The following NLRP1 variants were observed in gnomAD, a reference collection of about 807,000 sequenced individuals.
NLRP1 encodes NLR family pyrin domain containing 1.
Under a neutral mutation model 136.7 loss-of-function variants are expected in NLRP1, and 94 were observed. The observed-to-expected ratio is 0.69, with a 90% CI of 0.58 to 0.82. The LOEUF is 0.82. Among genes scored for constraint, NLRP1 ranks in the 40% least tolerant of loss-of-function variants. The pLI, the probability that NLRP1 is intolerant of heterozygous loss-of-function variation, is 0.00. For synonymous variants in NLRP1, 690 were observed against 725.1 expected (o/e 0.95, Z 0.78); for missense variants, 1,575 against 1,802.7 (o/e 0.87, Z 2.29).
chr17:5,518,549 T>A (rs1908439304), intron 14 of NLRP1: 1 of 151,392 alleles, frequency 6.6e-6, no homozygotes, highest in Admixed American at 6.7e-5. Flanking sequence ...CTTTTGTTTT[T>A]TTCTCTTTTT....
Position 5,581,972 on chromosome 17 carries a change from G to A in NLRP1, c.539C>T (p.Thr180Ile), listed in dbSNP as rs756406438. 1.9e-5 allele frequency: 30 copies of A among 1,613,870 alleles called. No individual in the cohort carries two copies. Among genetic ancestry groups the A allele is most frequent in the Non-Finnish European group, 2.5e-5 (29 of 1,179,884 alleles). ...SQESPNAPTS[T>I]AVLGSWGSPP... ...GGATCCCCAGCTCCCCAGCACTGCT[G>A]TGGATGTGGGGGCGTTGGGTGACTC... Residue 180 changes from threonine (T) to isoleucine (I), a missense_variant, in exon 3 of 17, where the codon ACA becomes ATA. By Grantham distance (89) the Thr-to-Ile change is moderately conservative. Coordinates refer to ENST00000572272, the MANE Select transcript of NLRP1 (RefSeq NM_033004.4).
chr17:5,582,004 T>TG lies in NLRP1; in HGVS notation c.506dup (p.Ser170LysfsTer41). ...TGGGGGCGTTGGGTGACTCCTGGCT[T>TG]GGAGACTCATGGTCTGGGGAGCTTG... On this transcript the variant is annotated frameshift_variant, in exon 3 of 17. Coordinates refer to ENST00000572272, the MANE Select transcript of NLRP1 (RefSeq NM_033004.4). LOFTEE classifies it high-confidence loss of function. 6.2e-7 allele frequency: 1 copy of TG among 1,613,842 alleles called. No individual in the cohort carries two copies. Among genetic ancestry groups the TG allele is most frequent in the Non-Finnish European group, 8.5e-7 (1 of 1,179,866 alleles).
intron 8 of NLRP1, among the ~76,000 whole-genome samples, chr17:5,535,285 G>A (rs1910900190): frequency 6.6e-6 from 1 of 152,080 alleles, no homozygotes; most frequent in Admixed American, 6.5e-5. Context: ...GGTCTGGAGT[G>A]GGGCCTGAGA....
rs1403003470 is a variant in NLRP1 at position 5,539,489 on chromosome 17, GT to G, written c.2795del (p.Asn932ThrfsTer32). 2 of 1,614,088 alleles carry G rather than the reference GT, an allele frequency of 1.2e-6. No homozygotes were observed. The highest frequency in any genetic ancestry group is 1.7e-6 in the Non-Finnish European group (2 of 1,180,042). On this transcript the variant is annotated frameshift_variant, in exon 7 of 17. Coordinates refer to ENST00000572272, the MANE Select transcript of NLRP1 (RefSeq NM_033004.4). LOFTEE classifies it high-confidence loss of function. ...PSLKELDLQQ[N>X]NLDDVGVRLL... is the part of the protein sequence containing the mutation. The stretch of plus-strand genomic sequence containing the variant: ...GTCGCACGCCAACGTCATCCAGGTT[GT>G]TCTGCTGCAGGTCTAGCTCCTTCAG...
intron 3 of NLRP1, among the ~76,000 whole-genome samples, chr17:5,561,831 T>C (rs2151806300): frequency 6.6e-6 from 1 of 152,336 alleles, no homozygotes; most frequent in East Asian, 1.9e-4. Context: ...GGGGTGACTC[T>C]GCCCATCCCT....
chr17:5,517,924 T>G, intron 14 of NLRP1, 37 bp from the exon 15 acceptor site: 1 of 1,610,812 alleles, frequency 6.2e-7, no homozygotes, highest in Non-Finnish European at 8.5e-7. Context: ...ACCCTGTTCA[T>G]CTTGCATGGA....
At chr17:5,538,374 C>T (rs1911380194) in intron 7 of NLRP1, among the ~76,000 whole-genome samples, 1 of 152,098 alleles carries the variant, frequency 6.6e-6, no homozygotes, top group Admixed American at 6.5e-5. Context: ...GGCTCAAGTG[C>T]CTCTTTGTTC....
chr17:5,510,011 C>T (rs1045297843), downstream of NLRP1, among the ~76,000 whole-genome samples: 1 of 152,142 alleles, frequency 6.6e-6, no homozygotes, highest in African/African-American at 2.4e-5. Flanking sequence ...ACCGTCACAT[C>T]CATTCTGAGG....
chr17:5,523,654 G>C (rs1909179720), intron 12 of NLRP1, among the ~76,000 whole-genome samples: 1 of 152,186 alleles, frequency 6.6e-6, no homozygotes, highest in African/African-American at 2.4e-5. Context: ...TAATGGGAGA[G>C]ACACTGGCCT....
intron 5 of NLRP1, among the ~76,000 whole-genome samples, chr17:5,546,270 C>T (rs937088524): frequency 6.6e-5 from 10 of 152,202 alleles, no homozygotes; most frequent in Non-Finnish European, 1.3e-4. Flanking sequence ...TCATGTATGC[C>T]ATGTTCTTAG....
chr17:5,531,688 C>T (rs1387740818), intron 11 of NLRP1, among the ~76,000 whole-genome samples: 3 of 152,066 alleles, frequency 2.0e-5, no homozygotes, highest in Non-Finnish European at 4.4e-5. Context: ...GAGATGATGT[C>T]TGTGGCAGTG....
At chr17:5,571,996 G>A (rs950797341) in intron 3 of NLRP1, among the ~76,000 whole-genome samples, 4 of 152,100 alleles carry the variant, frequency 2.6e-5, no homozygotes, top group Non-Finnish European at 5.9e-5. Context: ...CAAGCAATGG[G>A]GAAAGCATTC....
At chr17:5,567,399 TAAC>T (rs1014659917) in intron 3 of NLRP1, among the ~76,000 whole-genome samples, 8 of 152,022 alleles carry the variant, frequency 5.3e-5, no homozygotes, top group Non-Finnish European at 1.2e-4. Context: ...TTTAATCTGA[TAAC>T]AACACTATTT....
chr17:5,534,476 G>A (rs1461129951), intron 8 of NLRP1, among the ~76,000 whole-genome samples: 1 of 152,170 alleles, frequency 6.6e-6, no homozygotes, highest in Non-Finnish European at 1.5e-5. Flanking sequence ...CATGCATCCA[G>A]GCTAGAGCTG....
exon 16 of NLRP1, chr17:5,501,791 G>A (rs779427897): frequency 1.1e-5 from 17 of 1,607,776 alleles, no homozygotes; most frequent in African/African-American, 1.3e-5. Flanking sequence ...GGCTTCATTG[G>A]TACTGCCGCA....
At chr17:5,564,260 T>C (rs1208701511) in intron 3 of NLRP1, among the ~76,000 whole-genome samples, 2 of 152,234 alleles carry the variant, frequency 1.3e-5, no homozygotes, top group African/African-American at 4.8e-5. Context: ...TTGACTATAG[T>C]CACCCTATTG....
chr17:5,531,164 A>ATCT (rs1413488883), intron 11 of NLRP1, among the ~76,000 whole-genome samples: 4 of 138,340 alleles, frequency 2.9e-5, no homozygotes, highest in African/African-American at 1.1e-4. Context: ...CTATCTATCT[A>ATCT]ATCTATCTAA....
At chr17:5,564,530 C>T (rs555941859) in intron 3 of NLRP1, among the ~76,000 whole-genome samples, 1 of 152,282 alleles carries the variant, frequency 6.6e-6, no homozygotes, top group Non-Finnish European at 1.5e-5. Flanking sequence ...ATGACTGGGA[C>T]TCATTCTCTT....
At chr17:5,570,894 G>A (rs1042022455) in intron 3 of NLRP1, among the ~76,000 whole-genome samples, 4 of 152,100 alleles carry the variant, frequency 2.6e-5, no homozygotes, top group South Asian at 2.1e-4. Flanking sequence ...CCAGCAGCAC[G>A]TCAAAAAGCG....
Sources: allele counts gnomAD v4.1 joint callset (sites outside exome capture counted in the v4.1 genomes callset), GRCh38; gene constraint gnomAD v4.1.1; transcripts MANE v1.5; gene names NCBI Gene and HGNC (gene_info 2026-07-23, HGNC 2026-07-21).